AGBL1: variants seen among roughly 807,000 people sequenced by gnomAD.
AGBL1 encodes AGBL carboxypeptidase 1.
AGBL1 carries 130 observed loss-of-function variants against 118.9 expected under a neutral mutation model. The ratio of observed to expected loss-of-function variants is 1.09; its 90% CI spans 0.95 to 1.26. AGBL1 has a LOEUF of 1.26. AGBL1 is among the 50% of genes most tolerant of loss of function. The pLI, the probability that AGBL1 is intolerant of heterozygous loss-of-function variation, is 0.00. For synonymous variants in AGBL1, 555 were observed against 478.9 expected, an observed-to-expected ratio of 1.16 and a Z score of -2.08; for missense variants, 1,584 against 1,298.1, an observed-to-expected ratio of 1.22 and a Z score of -3.38.
intron 18 of AGBL1, among the ~76,000 whole-genome samples, chr15:86,464,817 T>C (rs1369828438): frequency 1.3e-5 from 2 of 152,160 alleles, no homozygotes; most frequent in African/African-American, 4.8e-5. Context: ...ATAAGCTTTT[T>C]AACATGCTGC....
At chr15:86,994,178 A>G (rs1324905121) in intron 24 of AGBL1, among the ~76,000 whole-genome samples, 4 of 152,130 alleles carry the variant, frequency 2.6e-5, no homozygotes. Context: ...TTGTCTTTCA[A>G]ATTCAAAGCA....
At chr15:86,113,253 T>TTTTCTTTTC (rs1555430689) in intron 1 of AGBL1, among the ~76,000 whole-genome samples, 22 of 73,586 alleles carry the variant, frequency 3.0e-4, no homozygotes, top group Middle Eastern at 7.4e-3. Context: ...TTTTCTTTTC[T>TTTTCTTTTC]TTTCTTTCTT....
chr15:87,013,384 G>T (rs1338879510), intron 24 of AGBL1, among the ~76,000 whole-genome samples: 9 of 152,192 alleles, frequency 5.9e-5, no homozygotes, highest in Non-Finnish European at 8.8e-5. Context: ...CTTTAAAGCT[G>T]TGTGCTCACT....
intron 16 of AGBL1, among the ~76,000 whole-genome samples, chr15:86,282,489 T>C (rs889632826): frequency 2.0e-5 from 3 of 152,178 alleles, no homozygotes; most frequent in African/African-American, 4.8e-5. Context: ...TTCTCCTAAA[T>C]GAACAAAACA....
chr15:86,102,679 G>T (rs1896807127), intron 1 of AGBL1, among the ~76,000 whole-genome samples: 1 of 152,198 alleles, frequency 6.6e-6, no homozygotes, highest in Non-Finnish European at 1.5e-5. Context: ...TCCCTCATAA[G>T]TGACTAGACA....
chr15:86,652,003 T>G (rs532158373), intron 21 of AGBL1, among the ~76,000 whole-genome samples: 1 of 152,290 alleles, frequency 6.6e-6, no homozygotes, highest in African/African-American at 2.4e-5. Flanking sequence ...CCAACTGGAC[T>G]CTACTGGATG....
intron 24 of AGBL1, among the ~76,000 whole-genome samples, chr15:86,998,744 T>A (rs1394886922): frequency 6.6e-6 from 1 of 152,192 alleles, no homozygotes; most frequent in Non-Finnish European, 1.5e-5. Context: ...TTGGTTGAGA[T>A]ATAAGCATGA....
intron 5 of AGBL1, among the ~76,000 whole-genome samples, chr15:86,167,224 G>T (rs972037826): frequency 4.6e-5 from 7 of 151,508 alleles, no homozygotes; most frequent in African/African-American, 1.2e-4. Context: ...TACTTTGAGG[G>T]AACTGATATT....
At chr15:86,090,005 C>G (rs1019498126) in intron 1 of AGBL1, among the ~76,000 whole-genome samples, 8 of 152,168 alleles carry the variant, frequency 5.3e-5, no homozygotes, top group Non-Finnish European at 8.8e-5. Flanking sequence ...TCAGGAACCC[C>G]TCACATTTGT....
rs140884094 is a variant in AGBL1, at chr15:86,489,850, C to G, written c.2556-32960C>G. Among the ~76,000 whole-genome samples, 386 of 152,210 alleles carry G rather than the reference C, an allele frequency of 2.5e-3. 1 individual carries two copies. Among genetic ancestry groups the G allele is most frequent in the African/African-American group, 8.7e-3 (363 of 41,556 alleles). ...CTCACTTTTTAGGATGCCAAGAAAG[C>G]TAGAGAAAGTCTGCCTGCCTTTGAA... On this transcript the variant is annotated intron_variant, in intron 18 of 22. Transcript: ENST00000614907.
intron 23 of AGBL1, among the ~76,000 whole-genome samples, chr15:86,922,401 C>T (rs1335737947): frequency 6.6e-6 from 1 of 152,196 alleles, no homozygotes; most frequent in Non-Finnish European, 1.5e-5. Flanking sequence ...AGAAATTCTC[C>T]TCTCTCAGCC....
intron 23 of AGBL1, among the ~76,000 whole-genome samples, chr15:86,941,899 T>C (rs942334564): frequency 6.6e-6 from 1 of 152,154 alleles, no homozygotes; most frequent in Non-Finnish European, 1.5e-5. Flanking sequence ...TGCCTTGTAG[T>C]GAATTAGTGC....
chr15:86,262,520 A>G (rs897801859), intron 9 of AGBL1: 5 of 483,526 alleles, frequency 1.0e-5, no homozygotes, highest in African/African-American at 9.9e-5. Context: ...AGTTTATCTC[A>G]TTTTATACAA....
At chr15:86,086,612 C>T (rs544812493) in intron 1 of AGBL1, among the ~76,000 whole-genome samples, 1 of 152,250 alleles carries the variant, frequency 6.6e-6, no homozygotes, top group Admixed American at 6.5e-5. Flanking sequence ...TCCTCTCTCC[C>T]TCCCTCCTTT....
chr15:86,721,980 C>G (rs2086729014), intron 22 of AGBL1, among the ~76,000 whole-genome samples: 1 of 152,214 alleles, frequency 6.6e-6, no homozygotes, highest in Admixed American at 6.5e-5. Flanking sequence ...AGGAGAACTA[C>G]AAACCACTGC....
At chr15:86,139,509 G>A (rs2141636472) in intron 1 of AGBL1, among the ~76,000 whole-genome samples, 1 of 152,250 alleles carries the variant, frequency 6.6e-6, no homozygotes, top group Admixed American at 6.5e-5. Context: ...CCAGCCGGGT[G>A]TGGTGGCTCA....
intron 18 of AGBL1, among the ~76,000 whole-genome samples, chr15:86,478,830 C>T (rs2082601760): frequency 6.6e-6 from 1 of 152,196 alleles, no homozygotes; most frequent in African/African-American, 2.4e-5. Context: ...TGACTTCAAA[C>T]TCTACTACAA....
At chr15:86,789,729 C>A (rs2078464497) in intron 22 of AGBL1, among the ~76,000 whole-genome samples, 1 of 152,080 alleles carries the variant, frequency 6.6e-6, no homozygotes, top group African/African-American at 2.4e-5. Flanking sequence ...ACTTAGAGAC[C>A]CCCTATGTTT....
intron 22 of AGBL1, among the ~76,000 whole-genome samples, chr15:86,746,541 C>T (rs989481290): frequency 1.3e-5 from 2 of 152,038 alleles, no homozygotes; most frequent in Admixed American, 1.3e-4. Context: ...CATCAGCCTC[C>T]ACCGATAGAC....
Sources: gnomAD v4.1 joint callset for allele counts (sites outside exome capture counted in the v4.1 genomes callset) on GRCh38, gnomAD v4.1.1 for gene constraint, MANE v1.5 for transcripts, NCBI Gene and HGNC (gene_info 2026-07-23, HGNC 2026-07-21) for gene names.